Variants in NFIX observed in about 807,000 individuals in gnomAD.
NFIX encodes nuclear factor I X.
Under a neutral mutation model 53.3 loss-of-function variants are expected in NFIX, and 2 were observed. The observed-to-expected ratio is 0.04, with a 90% confidence interval of 0.02 to 0.12. The LOEUF (loss-of-function observed/expected upper bound fraction) is 0.12, where lower values mean the gene tolerates loss of function less well. Among genes scored for constraint, NFIX ranks in the 10% least tolerant of loss-of-function variants. The pLI is 1.00. For synonymous variants in NFIX, 244 were observed against 289.0 expected (o/e 0.84, Z 1.58); for missense variants, 310 against 674.5 (o/e 0.46, Z 5.99).
Position 13,045,684 on chromosome 19 carries a change from C to T in NFIX, c.559+20132C>T, listed in dbSNP as rs1160375865. Among the ~76,000 whole-genome samples the T allele has an allele frequency of 5.3e-5, 8 of 152,174 alleles. No individual in the cohort carries two copies. Among genetic ancestry groups the T allele is most frequent in the Non-Finnish European group, 1.2e-4 (8 of 68,030 alleles). ...CAGGCACACTGGGTTGACAACTGCA[C>T]TGTGTTGACCCCATGGCGGGCATCA... On this transcript the variant is annotated intron_variant, in intron 2 of 10. Transcript: ENST00000592199. The surrounding 1 kb of genome is among the most constrained non-coding windows in gnomAD (Gnocchi z 4.4).
In NFIX at chr19:13,014,520, A is replaced by G. The variant is rs1273754559; in HGVS notation, c.28-10501A>G. On this transcript the variant is annotated intron_variant, in intron 1 of 10. Transcript: ENST00000592199. This position sits in a 1 kb window ranked among gnomAD's most constrained non-coding sequence, Gnocchi z 4.4. ...ACTCTGCATCCTCTCCCCTAAAAAG[A>G]ATCAAGTATTTCTAGAGATCGCCTG... The G allele has an allele frequency of 6.6e-6, 1 of 152,260 alleles. No individual in the cohort carries two copies. The highest frequency in any genetic ancestry group is 1.5e-5 in the Non-Finnish European group (1 of 68,044). 9.4% of individuals were successfully genotyped at this position (152,260 alleles called of 1,614,324 possible).
chr19:13,047,081 G>A, intron 2 of NFIX, among the ~76,000 whole-genome samples: 1 of 152,124 alleles, frequency 6.6e-6, no homozygotes, highest in Non-Finnish European at 1.5e-5. Flanking sequence ...CTGAGGGTAG[G>A]TTGTAATGGA....
rs549806759 is a variant in NFIX, at chr19:13,075,480, C to T, written c.819-55C>T. On this transcript the variant is annotated intron_variant, in intron 5 of 10. Transcript: ENST00000592199. ...GTTCTTTAGCCTGGACTCTTGGTCA[C>T]TCCCTGGAGCCTCAGCCCATCCTTG... 5.0e-6 allele frequency: 8 copies of T among 1,596,742 alleles called. No homozygotes were observed. The Admixed American group carries it at 1.4e-4, about 27-fold the overall frequency.
intron 1 of NFIX, among the ~76,000 whole-genome samples, chr19:13,023,684 A>G (rs1376322558): frequency 1.2e-4 from 18 of 149,156 alleles, no homozygotes; most frequent in Admixed American, 1.2e-3. Flanking sequence ...AATTGAAAAA[A>G]AAATTTTGTT....
intron 2 of NFIX, among the ~76,000 whole-genome samples, chr19:13,029,446 T>C (rs575640043): frequency 6.6e-6 from 1 of 152,326 alleles, no homozygotes; most frequent in East Asian, 1.9e-4. Flanking sequence ...TGCATTGCGA[T>C]GGGTTGATCA....
chr19:13,016,666 T>G (rs954708678), intron 1 of NFIX, among the ~76,000 whole-genome samples: 1 of 152,028 alleles, frequency 6.6e-6, no homozygotes, highest in Non-Finnish European at 1.5e-5. Context: ...TTTTTTTTTT[T>G]TTTTAATGGA....
At position 13,045,612 on chromosome 19, in the gene NFIX, C is replaced by T. The variant is rs1599778403; in HGVS notation, c.559+20060C>T. On this transcript the variant is annotated intron_variant, in intron 2 of 10. Transcript: ENST00000592199. The surrounding 1 kb of genome is among the most constrained non-coding windows in gnomAD (Gnocchi z 4.4). The stretch of plus-strand genomic sequence containing the variant: ...GATGCTGAGTCTGGAGACCTTGGCC[C>T]ACGGTGCTCAGCAGTCTGTTGCCAG... Among the ~76,000 whole-genome samples, 2 of 152,252 alleles carry T rather than the reference C, an allele frequency of 1.3e-5. No individual in the cohort carries two copies. The highest frequency in any genetic ancestry group is 4.1e-4 in the South Asian group (2 of 4,822).
chr19:13,095,338 C>G lies in NFIX; in HGVS notation c.*689C>G, dbSNP rs894491246. 2.0e-5 allele frequency: 3 copies of G among 152,488 alleles called. No homozygotes were observed. Among genetic ancestry groups the G allele is most frequent in the Non-Finnish European group, 2.9e-5 (2 of 68,282 alleles). The allele number at this position is 152,488 out of a possible 1,614,324, so 9.4% of individuals were successfully genotyped here. On this transcript the variant is annotated 3_prime_UTR_variant, in exon 11 of 11. Transcript: ENST00000592199. ...AGGGGGTGACCCCTGGAGCTAGTTG[C>G]GTGTCCCAGAATGGAGGGTGTTCTG... is the stretch of plus-strand genomic sequence containing the variant.
intron 1 of NFIX, among the ~76,000 whole-genome samples, chr19:13,016,516 G>A (rs1438449468): frequency 6.8e-6 from 1 of 147,452 alleles, no homozygotes; most frequent in African/African-American, 2.5e-5. Context: ...CTCTGCCCCT[G>A]CCCCCCGCCC....
Position 12,995,783 on chromosome 19 carries a change from G to C in NFIX, c.-55G>C, listed in dbSNP as rs2011441725. The C allele has an allele frequency of 3.4e-6, 3 of 881,964 alleles. No individual in the cohort carries two copies. Among genetic ancestry groups the C allele is most frequent in the Non-Finnish European group, 4.1e-6 (3 of 738,708 alleles). 54.6% of individuals were successfully genotyped at this position (881,964 alleles called of 1,614,324 possible). A position where few individuals can be genotyped will look rare whatever the true frequency, so the allele number is the denominator to read the frequency against. ...CCGAGCCCGAGCGCGGCCGCCGCCT[G>C]CCGGGCCTCCCCTCGCCGCGGCCGG... On this transcript the variant is annotated 5_prime_UTR_variant, in exon 1 of 11. Transcript: ENST00000592199.
At chr19:13,003,344 G>A (rs1448502275) in intron 1 of NFIX, among the ~76,000 whole-genome samples, 3 of 152,112 alleles carry the variant, frequency 2.0e-5, no homozygotes, top group Non-Finnish European at 4.4e-5. Context: ...GCAGACACAC[G>A]GGACACGCGC....
At chr19:13,080,731 T>C (rs962510782) in intron 7 of NFIX, among the ~76,000 whole-genome samples, 1 of 151,992 alleles carries the variant, frequency 6.6e-6, no homozygotes, top group Admixed American at 6.5e-5. Flanking sequence ...CTGGGCGCGG[T>C]GTCTCACGCC....
rs548581100 is a variant in NFIX at position 13,037,122 on chromosome 19, C to T, written c.559+11570C>T. 7.9e-5 allele frequency among the ~76,000 whole-genome samples: 12 copies of T among 152,228 alleles called. No individual in the cohort carries two copies. The highest frequency in any genetic ancestry group is 1.5e-4 in the Non-Finnish European group (10 of 68,006). Reference sequence around the variant, plus strand: ...CAACGGGAAGCAAGGCAGTAGACTCCGTTTCCTTTCATCTTTAGGGGGTCT... The same window carrying T: ...CAACGGGAAGCAAGGCAGTAGACTCTGTTTCCTTTCATCTTTAGGGGGTCT... On this transcript the variant is annotated intron_variant, in intron 2 of 10. Coordinates refer to ENST00000592199, the MANE Select transcript of NFIX (RefSeq NM_001365902.3). This position sits in a 1 kb window ranked among gnomAD's most constrained non-coding sequence, Gnocchi z 4.2.
In NFIX at chr19:13,060,810, C is replaced by T. The variant is rs1369440954; in HGVS notation, c.560-12237C>T. Among the ~76,000 whole-genome samples the T allele has an allele frequency of 6.6e-6, 1 of 152,054 alleles. No homozygotes were observed. The highest frequency in any genetic ancestry group is 2.4e-5 in the African/African-American group (1 of 41,390). ...CTAACCTCCCAGCGGAACAAAGGGG[C>T]CTTTCTCCACGCCCGCCCGGGAGGG... is the stretch of plus-strand genomic sequence containing the variant. On this transcript the variant is annotated intron_variant, in intron 2 of 10. Transcript: ENST00000592199. The surrounding 1 kb of genome is among the most constrained non-coding windows in gnomAD (Gnocchi z 4.3).
intron 1 of NFIX, among the ~76,000 whole-genome samples, chr19:13,020,553 G>T (rs1408334996): frequency 6.6e-6 from 1 of 152,216 alleles, no homozygotes; most frequent in Non-Finnish European, 1.5e-5. Flanking sequence ...ATTTGCCTGA[G>T]AATCTTCTGC....
In NFIX at chr19:13,025,341, G is replaced by C. The variant is rs1555696606; in HGVS notation, c.348G>C (p.Arg116=). The C allele has an allele frequency of 6.2e-7, 1 of 1,614,148 alleles. No homozygotes were observed. Among genetic ancestry groups the C allele is most frequent in the Middle Eastern group, 1.6e-4 (1 of 6,062 alleles). The change falls in exon 2 of 11, where the codon CGG becomes CGC. Residue 116 remains arginine (R), a synonymous_variant. Coordinates refer to ENST00000592199, the MANE Select transcript of NFIX (RefSeq NM_001365902.3). The surrounding 1 kb of genome is among the most constrained non-coding windows in gnomAD (Gnocchi z 7.5). ...SNPDQKGKIR[R]IDCLRQADKV... Reference sequence around the variant, plus strand: ...CCGACCAGAAGGGCAAGATCCGGCGGATTGACTGCCTGCGCCAGGCTGACA... The same window carrying C: ...CCGACCAGAAGGGCAAGATCCGGCGCATTGACTGCCTGCGCCAGGCTGACA...
rs1006471153 is a variant in NFIX, at chr19:13,024,623, T to A, written c.28-398T>A. 3.3e-6 allele frequency: 5 copies of A among 1,536,108 alleles called. No homozygotes were observed. In the African/African-American group the frequency reaches 6.8e-5, roughly 21 times the overall value. On this transcript the variant is annotated intron_variant, in intron 1 of 10. Transcript: ENST00000592199. ...GGGCGAGCTGACAGGAGTTCACGGC[T>A]GCGATAGAACATGGAGATGTCATGG...
intron 1 of NFIX, chr19:13,024,128 AAACCAAAC>A: frequency 1.1e-6 from 1 of 871,520 alleles, no homozygotes; most frequent in Non-Finnish European, 1.7e-6. Flanking sequence ...AAAAAAAAAA[AAACCAAAC>A]AAAACCGAGA....
intron 1 of NFIX, among the ~76,000 whole-genome samples, chr19:13,000,548 G>C (rs1461547385): frequency 1.3e-5 from 2 of 151,512 alleles, no homozygotes; most frequent in Non-Finnish European, 2.9e-5. Flanking sequence ...GGGAGAGATG[G>C]TGGGGGAGAG....
Sources: allele counts gnomAD v4.1 joint callset (sites outside exome capture counted in the v4.1 genomes callset), GRCh38; gene constraint gnomAD v4.1.1; non-coding constraint Gnocchi (gnomAD v3.1); transcripts MANE v1.5; gene names NCBI Gene and HGNC (gene_info 2026-07-23, HGNC 2026-07-21).